The following DGKI variants were observed in gnomAD, a reference collection of about 807,000 sequenced individuals.
DGKI encodes DAG kinase iota.
DGKI carries 55 observed loss-of-function variants against 147.5 expected under a neutral mutation model. The ratio of observed to expected loss-of-function variants is 0.37; its 90% CI spans 0.30 to 0.47. The LOEUF (loss-of-function observed/expected upper bound fraction) is 0.47, where lower values mean the gene tolerates loss of function less well. DGKI is among the 20% of genes least tolerant of loss of function. The pLI, the probability that DGKI is intolerant of heterozygous loss-of-function variation, is 1.00. For missense variants in DGKI, 1,007 were observed against 1,323.8 expected (o/e 0.76, Z 3.71); for synonymous variants, 469 against 477.1 (o/e 0.98, Z 0.22).
At position 137,434,714 on chromosome 7, in the gene DGKI, ACATGGTTACAAT is replaced by A. The variant is rs370303562; in HGVS notation, c.2761+9351_2761+9362del. Reference sequence around the variant, plus strand: ...AAAAACCAGAACAATCAAAAGGATTACATGGTTACAATCAATAGTGAGATTTAGTAAAGGTAA... The same window carrying A: ...AAAAACCAGAACAATCAAAAGGATTACAATAGTGAGATTTAGTAAAGGTAA... On this transcript the variant is annotated intron_variant, in intron 28 of 32. Coordinates refer to ENST00000614521, the MANE Select transcript of DGKI (RefSeq NM_001321708.2). Among the ~76,000 whole-genome samples, 299 of 152,360 alleles carry A rather than the reference ACATGGTTACAAT, an allele frequency of 2.0e-3. 1 individual carries two copies. The highest frequency in any genetic ancestry group is 6.8e-3 in the African/African-American group (283 of 41,586).
intron 1 of DGKI, chr7:137,722,150 G>C: frequency 6.3e-7 from 1 of 1,599,504 alleles, no homozygotes; most frequent in Admixed American, 1.7e-5. Flanking sequence ...AGAGGAATTG[G>C]CAGGTATTCC....
intron 21 of DGKI, among the ~76,000 whole-genome samples, chr7:137,488,070 T>G (rs967132998): frequency 6.6e-6 from 1 of 152,196 alleles, no homozygotes; most frequent in African/African-American, 2.4e-5. Flanking sequence ...TGCTTGCATT[T>G]GCAATAGACA....
At chr7:137,574,208 C>T (rs1818892199) in intron 17 of DGKI, among the ~76,000 whole-genome samples, 2 of 152,072 alleles carry the variant, frequency 1.3e-5, no homozygotes, top group Non-Finnish European at 2.9e-5. Flanking sequence ...AGAATTGTTT[C>T]CAAGAAATCT....
chr7:137,839,286 T>C (rs1396384100), intron 1 of DGKI, among the ~76,000 whole-genome samples: 1 of 152,238 alleles, frequency 6.6e-6, no homozygotes, highest in Non-Finnish European at 1.5e-5. Context: ...AAAAAGTACA[T>C]ATTCTATACC....
At chr7:137,841,323 G>C (rs1460219894) in intron 1 of DGKI, among the ~76,000 whole-genome samples, 1 of 152,136 alleles carries the variant, frequency 6.6e-6, no homozygotes, top group African/African-American at 2.4e-5. Flanking sequence ...CATTGTTTTT[G>C]TGCCTTGAAA....
At chr7:137,638,764 T>C (rs1358260854) in intron 6 of DGKI, among the ~76,000 whole-genome samples, 5 of 150,360 alleles carry the variant, frequency 3.3e-5, no homozygotes, top group Non-Finnish European at 7.4e-5. Context: ...GTTAATTATA[T>C]ATTTTATACA....
intron 5 of DGKI, among the ~76,000 whole-genome samples, chr7:137,651,570 G>T (rs1370187045): frequency 2.6e-5 from 4 of 152,184 alleles, no homozygotes; most frequent in Non-Finnish European, 5.9e-5. Flanking sequence ...ATGCCAAGTG[G>T]AACTCCAAGA....
chr7:137,518,833 T>A (rs1356169822), intron 21 of DGKI, among the ~76,000 whole-genome samples: 1 of 152,104 alleles, frequency 6.6e-6, no homozygotes, highest in Non-Finnish European at 1.5e-5. Flanking sequence ...AAACAGATCA[T>A]CCTTTGCCTA....
chr7:137,435,342 CTTTG>C (rs1813239772), intron 28 of DGKI, among the ~76,000 whole-genome samples: 1 of 152,106 alleles, frequency 6.6e-6, no homozygotes, highest in Non-Finnish European at 1.5e-5. Flanking sequence ...GAAAATTCAT[CTTTG>C]TTTGTCCTTA....
At chr7:137,421,838 C>T (rs1002372214) in intron 28 of DGKI, among the ~76,000 whole-genome samples, 2 of 152,166 alleles carry the variant, frequency 1.3e-5, no homozygotes, top group African/African-American at 4.8e-5. Flanking sequence ...ATCCTTTCGA[C>T]CTGGTGATTC....
At chr7:137,781,969 A>G (rs1289685317) in intron 1 of DGKI, among the ~76,000 whole-genome samples, 1 of 152,238 alleles carries the variant, frequency 6.6e-6, no homozygotes, top group Non-Finnish European at 1.5e-5. Flanking sequence ...GATGGTGGAT[A>G]GGAGGCAGGA....
At chr7:137,493,173 C>T (rs1815833054) in intron 21 of DGKI, among the ~76,000 whole-genome samples, 1 of 152,144 alleles carries the variant, frequency 6.6e-6, no homozygotes, top group Non-Finnish European at 1.5e-5. Flanking sequence ...CACCAGTACT[C>T]AAATGAAGAT....
chr7:137,458,016 A>C (rs1814273634), intron 27 of DGKI, among the ~76,000 whole-genome samples: 1 of 152,142 alleles, frequency 6.6e-6, no homozygotes, highest in Admixed American at 6.5e-5. Context: ...AACTTTAATA[A>C]TTGGTTTAAT....
At chr7:137,747,031 G>A (rs1480076336) in intron 1 of DGKI, among the ~76,000 whole-genome samples, 2 of 152,124 alleles carry the variant, frequency 1.3e-5, no homozygotes, top group Non-Finnish European at 2.9e-5. Flanking sequence ...CCATTTTGAG[G>A]AGAATTTATT....
chr7:137,493,686 T>C (rs893177577), intron 21 of DGKI: 1 of 692,832 alleles, frequency 1.4e-6, no homozygotes, highest in Non-Finnish European at 2.6e-6. Flanking sequence ...ATCTAAAAGA[T>C]AGCAACTTCA....
At chr7:137,506,948 A>C (rs111635417) in intron 21 of DGKI, among the ~76,000 whole-genome samples, 9 of 152,328 alleles carry the variant, frequency 5.9e-5, no homozygotes, top group African/African-American at 2.2e-4. Flanking sequence ...CAAATGTGCC[A>C]AGGTTATCAT....
intron 28 of DGKI, among the ~76,000 whole-genome samples, chr7:137,423,649 T>C (rs1812667394): frequency 6.6e-6 from 1 of 152,094 alleles, no homozygotes; most frequent in Non-Finnish European, 1.5e-5. Context: ...AACTGACCAC[T>C]CTGTAATATA....
intron 10 of DGKI, among the ~76,000 whole-genome samples, chr7:137,603,975 AC>A (rs1047979499): frequency 1.3e-5 from 2 of 152,116 alleles, no homozygotes; most frequent in Non-Finnish European, 2.9e-5. Context: ...AGAGATTCAG[AC>A]CAGCTTTTTT....
intron 27 of DGKI, among the ~76,000 whole-genome samples, chr7:137,459,634 C>T (rs2128923922): frequency 6.6e-6 from 1 of 151,876 alleles, no homozygotes; most frequent in Admixed American, 6.6e-5. Context: ...GCCACCACGC[C>T]CGGCTAATTT....
Sources: gnomAD v4.1 joint callset for allele counts (sites outside exome capture counted in the v4.1 genomes callset) on GRCh38, gnomAD v4.1.1 for gene constraint, MANE v1.5 for transcripts, NCBI Gene and HGNC (gene_info 2026-07-23, HGNC 2026-07-21) for gene names.